TMEM132D: variants seen among roughly 807,000 people sequenced by gnomAD.
The protein encoded by TMEM132D is transmembrane protein 132D, also known as mature OL transmembrane protein.
TMEM132D carries 21 observed loss-of-function variants against 62.3 expected under a neutral mutation model. That is an observed-to-expected ratio of 0.34 (90% CI 0.24 to 0.49). The LOEUF is 0.49. TMEM132D is among the 20% of genes least tolerant of loss of function. The probability of loss-of-function intolerance (pLI) is 0.99; values close to 1 mark genes in which losing one functional copy is unlikely to be tolerated. For missense variants in TMEM132D, 1,346 were observed against 1,402.8 expected (o/e 0.96, Z 0.65); for synonymous variants, 621 against 575.6 (o/e 1.08, Z -1.13).
chr12:129,271,353 T>C (rs1880849042), intron 4 of TMEM132D, among the ~76,000 whole-genome samples: 1 of 151,846 alleles, frequency 6.6e-6, no homozygotes, highest in African/African-American at 2.4e-5. Flanking sequence ...AGACCTCTCC[T>C]ATAGAAGAGA....
intron 1 of TMEM132D, among the ~76,000 whole-genome samples, chr12:129,810,905 G>A (rs1565994215): frequency 6.6e-6 from 1 of 152,148 alleles, no homozygotes; most frequent in Non-Finnish European, 1.5e-5. Context: ...TAAATTCATT[G>A]ATATTGGGCA....
intron 2 of TMEM132D, among the ~76,000 whole-genome samples, chr12:129,669,844 A>G (rs1880463656): frequency 6.6e-6 from 1 of 152,202 alleles, no homozygotes. Flanking sequence ...GGTCACTTAA[A>G]CACTGGAGTA....
At chr12:129,807,930 G>T (rs1565993181) in intron 1 of TMEM132D, among the ~76,000 whole-genome samples, 1 of 152,160 alleles carries the variant, frequency 6.6e-6, no homozygotes, top group Non-Finnish European at 1.5e-5. Flanking sequence ...GGTGAAAACT[G>T]AACAATGAGT....
intron 4 of TMEM132D, among the ~76,000 whole-genome samples, chr12:129,244,932 C>T (rs759992326): frequency 1.4e-4 from 21 of 152,172 alleles, no homozygotes; most frequent in Non-Finnish European, 1.9e-4. Context: ...TGAGCCACCA[C>T]GCCCGGCCTG....
chr12:129,698,726 A>T (rs1215673160), intron 2 of TMEM132D, among the ~76,000 whole-genome samples: 1 of 36,580 alleles, frequency 2.7e-5, no homozygotes, highest in Non-Finnish European at 4.6e-5. Flanking sequence ...GGGAGGGGAG[A>T]GGGGAGAAGG....
At chr12:129,328,385 T>C (rs936912595) in intron 4 of TMEM132D, among the ~76,000 whole-genome samples, 2 of 152,218 alleles carry the variant, frequency 1.3e-5, no homozygotes, top group Non-Finnish European at 2.9e-5. Flanking sequence ...ATGAGTTACA[T>C]CATAGCTTAT....
At chr12:129,238,565 TAG>T (rs1202229785) in intron 4 of TMEM132D, among the ~76,000 whole-genome samples, 2 of 152,196 alleles carry the variant, frequency 1.3e-5, no homozygotes, top group East Asian at 3.9e-4. Flanking sequence ...CTCATATAAG[TAG>T]AGTCACGCAG....
At chr12:129,125,111 G>A (rs538282774) in intron 5 of TMEM132D, among the ~76,000 whole-genome samples, 1 of 152,336 alleles carries the variant, frequency 6.6e-6, no homozygotes, top group Admixed American at 6.5e-5. Context: ...CTGCAAGTCT[G>A]CGGAGGTGAT....
intron 3 of TMEM132D, among the ~76,000 whole-genome samples, chr12:129,524,345 G>A (rs750276316): frequency 5.3e-5 from 8 of 151,998 alleles, no homozygotes; most frequent in Non-Finnish European, 7.4e-5. Flanking sequence ...ACATTGCTGG[G>A]GGGTTCTCTT....
At chr12:129,695,187 AC>A (rs1369972235) in intron 2 of TMEM132D, among the ~76,000 whole-genome samples, 1 of 151,982 alleles carries the variant, frequency 6.6e-6, no homozygotes, top group Non-Finnish European at 1.5e-5. Context: ...AGGAGACATG[AC>A]CCCTATATGT....
rs184735438 is a variant in TMEM132D at position 129,891,536 on chromosome 12, G to A, written c.79+11725C>T. ...CAGCGGACTGGACACTTTCAAATCC[G>A]GCTAATATCTGTGCAAAATGGTGCA... On this transcript the variant is annotated intron_variant, in intron 1 of 8. Coordinates refer to ENST00000422113, the MANE Select transcript of TMEM132D (RefSeq NM_133448.3). Among the ~76,000 whole-genome samples the A allele has an allele frequency of 9.2e-5, 14 of 152,280 alleles. No homozygotes were observed. The East Asian group carries it at 1.4e-3, about 15-fold the overall frequency.
chr12:129,700,613 G>A lies in TMEM132D; in HGVS notation c.165C>T (p.Asn55=), dbSNP rs763982639. The change falls in exon 2 of 9, where the codon AAC becomes AAT. Residue 55 remains asparagine, a synonymous_variant. Coordinates refer to ENST00000422113, the MANE Select transcript of TMEM132D (RefSeq NM_133448.3). ...CCTTCAGGAAGAAGGAGACGTCCGC[G>A]TTGTTGATGTGGTAGGTCACGGGGA... ...TYLPVTYHIN[N]ADVSFFLKEA... 34 of 1,613,920 alleles carry A rather than the reference G, an allele frequency of 2.1e-5. 1 individual carries two copies. The South Asian group carries it at 2.6e-4, about 13-fold the overall frequency.
intron 1 of TMEM132D, among the ~76,000 whole-genome samples, chr12:129,891,193 C>T (rs976999574): frequency 1.3e-5 from 2 of 152,202 alleles, no homozygotes; most frequent in Non-Finnish European, 2.9e-5. Flanking sequence ...TGTCCACTGA[C>T]GTCCTCTCAC....
intron 4 of TMEM132D, among the ~76,000 whole-genome samples, chr12:129,271,052 T>A (rs1251364292): frequency 6.6e-6 from 1 of 152,222 alleles, no homozygotes; most frequent in Non-Finnish European, 1.5e-5. Context: ...GTTTGTGTTT[T>A]ATGATGCCAG....
rs10635477 is a variant in TMEM132D, at chr12:129,537,158, T to TAA, written c.969-5955_969-5954dup. Among the ~76,000 whole-genome samples the TAA allele has an allele frequency of 6.1e-5, 7 of 114,336 alleles. 1 individual carries two copies. The highest frequency in any genetic ancestry group is 3.3e-4 in the South Asian group (1 of 2,996). 75.0% of individuals were successfully genotyped at this position (114,336 alleles called of 152,430 possible). A position where few individuals can be genotyped will look rare whatever the true frequency, so the allele number is the denominator to read the frequency against. ...CTGGGTGACAGAGTGAAACTCTGTC[T>TAA]AAAAAAAAAAAAAAAATTCATATGC... On this transcript the variant is annotated intron_variant, in intron 2 of 8. Coordinates refer to ENST00000422113, the MANE Select transcript of TMEM132D (RefSeq NM_133448.3).
At position 129,700,521 on chromosome 12, in the gene TMEM132D, T is replaced by C. The variant is rs2137227532; in HGVS notation, c.257A>G (p.Lys86Arg). The C allele has an allele frequency of 3.7e-6, 6 of 1,614,114 alleles. No individual in the cohort carries two copies. The highest frequency in any genetic ancestry group is 5.1e-6 in the Non-Finnish European group (6 of 1,180,024). Residue 86 changes from lysine (K) to arginine (R), a missense_variant, in exon 2 of 9, where the codon AAA becomes AGA. Transcript: ENST00000422113. ...QSRVESFLIY[K>R]SRRLPVLNAS... ...ATTGAGGACAGGCAGCCTCCTGGATTTGTAAATCAGAAATGACTCCACCCG... is the reference window on the plus strand; with the variant it reads ...ATTGAGGACAGGCAGCCTCCTGGATCTGTAAATCAGAAATGACTCCACCCG...
At chr12:129,489,584 C>T (rs1469255262) in intron 3 of TMEM132D, among the ~76,000 whole-genome samples, 3 of 152,132 alleles carry the variant, frequency 2.0e-5, no homozygotes, top group Non-Finnish European at 4.4e-5. Context: ...TTGGCCTTGG[C>T]CTTTTAAATA....
At chr12:129,768,690 T>C (rs1342255287) in intron 1 of TMEM132D, among the ~76,000 whole-genome samples, 1 of 152,130 alleles carries the variant, frequency 6.6e-6, no homozygotes, top group Non-Finnish European at 1.5e-5. Flanking sequence ...ACAGGGACAG[T>C]GCTGGGGAGC....
intron 2 of TMEM132D, among the ~76,000 whole-genome samples, chr12:129,562,567 T>C (rs1411024855): frequency 1.3e-5 from 2 of 152,184 alleles, no homozygotes; most frequent in African/African-American, 4.8e-5. Flanking sequence ...ACTCAAGATC[T>C]AGAGATCTGG....
Sources: allele counts gnomAD v4.1 joint callset (sites outside exome capture counted in the v4.1 genomes callset), GRCh38; gene constraint gnomAD v4.1.1; transcripts MANE v1.5; gene names NCBI Gene and HGNC (gene_info 2026-07-23, HGNC 2026-07-21).